MGAT4C: variants seen among roughly 807,000 people sequenced by gnomAD.
MGAT4C encodes alpha-1,3-mannosyl-glycoprotein 4-beta-N-acetylglucosaminyltransferase C.
MGAT4C carries 19 observed loss-of-function variants against 40.1 expected under a neutral mutation model. The observed-to-expected ratio is 0.47, with a 90% CI of 0.33 to 0.70. The LOEUF (loss-of-function observed/expected upper bound fraction) is 0.70. MGAT4C is among the 30% of genes least tolerant of loss of function. The probability of loss-of-function intolerance (pLI) is 0.02; values close to 1 mark genes in which losing one functional copy is unlikely to be tolerated. For synonymous variants in MGAT4C, 181 were observed against 187.1 expected (o/e 0.97, Z 0.27); for missense variants, 491 against 563.2 (o/e 0.87, Z 1.30).
At chr12:86,661,198 AAAAG>A (rs1368423426) in intron 2 of MGAT4C, among the ~76,000 whole-genome samples, 4 of 152,114 alleles carry the variant, frequency 2.6e-5, no homozygotes, top group Non-Finnish European at 5.9e-5. Flanking sequence ...AAAGAAAACA[AAAAG>A]AAAGGAAAAG....
At chr12:86,629,003 G>C (rs531530940) in intron 2 of MGAT4C, among the ~76,000 whole-genome samples, 12 of 152,084 alleles carry the variant, frequency 7.9e-5, no homozygotes, top group African/African-American at 1.4e-4. Flanking sequence ...CTGTATTCAG[G>C]AGACCCATTT....
In MGAT4C at chr12:86,493,711, T is replaced by C. The variant is rs1274696972; in HGVS notation, c.-228-58446A>G. 2.0e-5 allele frequency among the ~76,000 whole-genome samples: 3 copies of C among 152,070 alleles called. No homozygotes were observed. The East Asian group carries it at 5.8e-4, about 30-fold the overall frequency. On this transcript the variant is annotated intron_variant, in intron 2 of 7. Transcript: ENST00000548651. The stretch of plus-strand genomic sequence containing the variant: ...TACCTAATGCTATATGACGAGTTAA[T>C]GGATGCAGCACACCAGCATGGCACA...
intron 1 of MGAT4C, among the ~76,000 whole-genome samples, chr12:86,080,170 T>A (rs910657055): frequency 6.6e-6 from 1 of 152,048 alleles, no homozygotes; most frequent in Admixed American, 6.6e-5. Flanking sequence ...TATTTTTCCT[T>A]CTCCTCCCCT....
At chr12:86,719,345 C>A (rs2136642108) in intron 2 of MGAT4C, among the ~76,000 whole-genome samples, 1 of 152,228 alleles carries the variant, frequency 6.6e-6, no homozygotes, top group Admixed American at 6.5e-5. Context: ...CAGTACAGCT[C>A]CTTCAGTGCT....
At chr12:86,243,564 G>A (rs1478548073) in intron 1 of MGAT4C, among the ~76,000 whole-genome samples, 1 of 152,208 alleles carries the variant, frequency 6.6e-6, no homozygotes, top group Non-Finnish European at 1.5e-5. Flanking sequence ...TGGCTTTGAA[G>A]AAGTAAGCTT....
At chr12:86,696,706 T>A (rs1319433620) in intron 2 of MGAT4C, among the ~76,000 whole-genome samples, 1 of 152,214 alleles carries the variant, frequency 6.6e-6, no homozygotes, top group Non-Finnish European at 1.5e-5. Flanking sequence ...AGCTTCAGAT[T>A]TTGATTTAGC....
chr12:86,579,180 G>A (rs560594430), intron 2 of MGAT4C, among the ~76,000 whole-genome samples: 1 of 151,448 alleles, frequency 6.6e-6, no homozygotes, highest in Non-Finnish European at 1.5e-5. Flanking sequence ...TAGGGACTCT[G>A]GTCATTTTGT....
rs1021098760 is a variant in MGAT4C, at chr12:86,447,335, G to C, written c.-228-12070C>G. On this transcript the variant is annotated intron_variant, in intron 2 of 7. Transcript: ENST00000548651. ...AGACAGGGTTTCTCCATGCTGGTTA[G>C]GCTGGTCTCGAACTACTGACCTCAG... Among the ~76,000 whole-genome samples the C allele has an allele frequency of 2.0e-5, 3 of 152,188 alleles. No individual in the cohort carries two copies. The East Asian group carries it at 5.8e-4, about 29-fold the overall frequency.
intron 3 of MGAT4C, among the ~76,000 whole-genome samples, chr12:86,404,473 A>C (rs1378361236): frequency 6.6e-6 from 1 of 152,134 alleles, no homozygotes; most frequent in African/African-American, 2.4e-5. Context: ...AAGAGCCCTA[A>C]GTATATTCTT....
chr12:86,449,721 T>C (rs1312889353), intron 2 of MGAT4C, among the ~76,000 whole-genome samples: 3 of 152,194 alleles, frequency 2.0e-5, no homozygotes, highest in Non-Finnish European at 2.9e-5. Flanking sequence ...ATGTATAAGA[T>C]TTAGTACCAG....
intron 2 of MGAT4C, among the ~76,000 whole-genome samples, chr12:86,482,497 A>T (rs539935429): frequency 6.6e-6 from 1 of 152,138 alleles, no homozygotes; most frequent in South Asian, 2.1e-4. Flanking sequence ...GAAAAATTCA[A>T]AGGATTGAAG....
intron 1 of MGAT4C, among the ~76,000 whole-genome samples, chr12:86,768,703 A>G (rs1354182795): frequency 6.6e-6 from 1 of 152,144 alleles, no homozygotes; most frequent in Non-Finnish European, 1.5e-5. Context: ...GAGCCCTCAG[A>G]AATAACGCCG....
In MGAT4C at chr12:85,979,636, C is replaced by T. The variant is rs1884309173; in HGVS notation, c.1090G>A (p.Val364Ile). ...NYEASKAYSS[V>I]DEYFWGKPPS... Reference sequence around the variant, plus strand: ...GGTTTCCCCCAAAAGTACTCATCAACACTACTGTAAGCCTTGCTTGCTTCA... The same window carrying T: ...GGTTTCCCCCAAAAGTACTCATCAATACTACTGTAAGCCTTGCTTGCTTCA... The change falls in exon 5 of 5, where the codon GTT (valine) becomes ATT (isoleucine). Residue 364 changes from valine to isoleucine, a missense_variant. Transcript: ENST00000611864. 6.2e-7 allele frequency: 1 copy of T among 1,612,108 alleles called. No individual in the cohort carries two copies. Among genetic ancestry groups the T allele is most frequent in the Admixed American group, 1.7e-5 (1 of 59,834 alleles).
chr12:86,440,981 G>GA (rs1957217160), intron 2 of MGAT4C, among the ~76,000 whole-genome samples: 1 of 152,010 alleles, frequency 6.6e-6, no homozygotes, highest in African/African-American at 2.4e-5. Flanking sequence ...CAAACACATG[G>GA]AAATACATCC....
intron 1 of MGAT4C, among the ~76,000 whole-genome samples, chr12:86,746,735 T>C (rs1368445695): frequency 2.0e-5 from 3 of 151,652 alleles, no homozygotes; most frequent in Non-Finnish European, 3.0e-5. Flanking sequence ...TTCACCTCCA[T>C]AGACCTGACT....
chr12:86,337,059 T>C (rs1481091245), intron 3 of MGAT4C, among the ~76,000 whole-genome samples: 1 of 152,028 alleles, frequency 6.6e-6, no homozygotes, highest in Non-Finnish European at 1.5e-5. Context: ...TTTATGTGGA[T>C]TAAAGGGAAT....
At chr12:86,587,748 T>C (rs537085724) in intron 2 of MGAT4C, among the ~76,000 whole-genome samples, 2 of 151,350 alleles carry the variant, frequency 1.3e-5, no homozygotes, top group South Asian at 2.1e-4. Flanking sequence ...GGCTCTCTGT[T>C]TGTCTCTTAT....
rs575394327 is a variant in MGAT4C at position 86,129,223 on chromosome 12, G to A, written c.-56-79500C>T. On this transcript the variant is annotated intron_variant, in intron 1 of 4. Transcript: ENST00000611864. ...AGTCAAGCTACCTTTTAAGCATTTC[G>A]TGGGGTGGGGGGAGATCTGTGCAGG... 9.2e-5 allele frequency among the ~76,000 whole-genome samples: 14 copies of A among 152,012 alleles called. 1 individual carries two copies. The highest frequency in any genetic ancestry group is 3.1e-4 in the African/African-American group (13 of 41,432).
At chr12:86,492,688 A>C (rs1271481716) in intron 2 of MGAT4C, among the ~76,000 whole-genome samples, 2 of 152,206 alleles carry the variant, frequency 1.3e-5, no homozygotes, top group African/African-American at 4.8e-5. Context: ...TAAAACCATA[A>C]AAACCCTAGA....
Sources: allele counts gnomAD v4.1 joint callset (sites outside exome capture counted in the v4.1 genomes callset), GRCh38; gene constraint gnomAD v4.1.1; transcripts MANE v1.5; gene names NCBI Gene and HGNC (gene_info 2026-07-23, HGNC 2026-07-21).